REEP1: variants seen among roughly 807,000 people sequenced by gnomAD.
REEP1 encodes receptor expression-enhancing protein 1.
Under a neutral mutation model 40.3 loss-of-function variants are expected in REEP1, and 22 were observed. The observed-to-expected ratio is 0.55, with a 90% CI of 0.39 to 0.78. The LOEUF is 0.78. Among genes scored for constraint, REEP1 ranks in the 30% least tolerant of loss-of-function variants. The pLI is 0.00. For synonymous variants in REEP1, 116 were observed against 139.2 expected, an observed-to-expected ratio of 0.83 and a Z score of 1.17; for missense variants, 280 against 361.1, an observed-to-expected ratio of 0.78 and a Z score of 1.82.
intron 5 of REEP1, among the ~76,000 whole-genome samples, chr2:86,237,338 T>A (rs1189908440): frequency 6.6e-6 from 1 of 152,142 alleles, no homozygotes; most frequent in Non-Finnish European, 1.5e-5. Flanking sequence ...CAGCTCGACA[T>A]CACCCAACAC....
At chr2:86,331,040 A>ACCAGAACCAAGATTCTCTTGTGC (rs1381885525) in intron 1 of REEP1, among the ~76,000 whole-genome samples, 2 of 152,194 alleles carry the variant, frequency 1.3e-5, no homozygotes, top group Non-Finnish European at 2.9e-5. Context: ...GGCCCGAGCA[A>ACCAGAACCAAGATTCTCTTGTGC]CCAGAACCAA....
intron 5 of REEP1, chr2:86,239,969 C>G (rs57667809): frequency 6.6e-6 from 1 of 152,466 alleles, no homozygotes; most frequent in Non-Finnish European, 1.5e-5. Context: ...GGCCTGGCCT[C>G]GCTGCCCAAC....
At chr2:86,247,451 C>T (rs567045144) in intron 5 of REEP1, among the ~76,000 whole-genome samples, 3 of 152,226 alleles carry the variant, frequency 2.0e-5, no homozygotes, top group African/African-American at 7.2e-5. Context: ...ATAATCCCAG[C>T]TACTTGGAAT....
At chr2:86,239,266 A>C (rs1057167495) in intron 5 of REEP1, among the ~76,000 whole-genome samples, 1 of 150,234 alleles carries the variant, frequency 6.7e-6, no homozygotes, top group East Asian at 2.0e-4. Context: ...CAATAACAGC[A>C]ACACAGAACT....
chr2:86,270,898 T>G (rs1574062868), intron 2 of REEP1, among the ~76,000 whole-genome samples: 1 of 149,894 alleles, frequency 6.7e-6, no homozygotes, highest in South Asian at 2.1e-4. Context: ...AGTTCTAAAA[T>G]TTGATTAAAA....
upstream of REEP1, chr2:86,337,976 G>T: frequency 6.7e-7 from 1 of 1,490,102 alleles, no homozygotes; most frequent in Non-Finnish European, 9.1e-7. This position sits in a 1 kb window ranked among gnomAD's most constrained non-coding sequence, Gnocchi z 5.8. Context: ...TAGGTGGGAT[G>T]CTGTCATCCC....
chr2:86,308,318 C>T (rs1679600763), intron 1 of REEP1, among the ~76,000 whole-genome samples: 1 of 152,168 alleles, frequency 6.6e-6, no homozygotes, highest in African/African-American at 2.4e-5. Flanking sequence ...TGACAGAACA[C>T]AGACCATGTT....
chr2:86,311,994 C>T (rs767423125), intron 1 of REEP1, among the ~76,000 whole-genome samples: 2 of 152,076 alleles, frequency 1.3e-5, no homozygotes, highest in African/African-American at 2.4e-5. Flanking sequence ...CAAGTCCTGC[C>T]GATTGTTCCC....
chr2:86,328,540 G>A (rs6728519), intron 1 of REEP1, among the ~76,000 whole-genome samples: 22,130 of 152,192 alleles, frequency 0.15, 3,640 homozygotes, highest in African/African-American at 0.41. Flanking sequence ...TTAGCTGGGC[G>A]TGGTGGCGGG....
In REEP1 at chr2:86,227,373, C is replaced by T. The variant is rs1398545710; in HGVS notation, c.621G>A (p.Arg207=). Residue 207 remains arginine (R), a synonymous_variant, in exon 7 of 9, where the codon AGG becomes AGA. Transcript: ENST00000538924. The part of the protein sequence containing the change: ...SSVCTCCSTC[R]TWKVVEGDVN... ...TGGCTGCTTACTCACCTTTCCAGGT[C>T]CTGCAGGTGGAGCAGCAGGTACACA... 8.1e-7 allele frequency: 1 copy of T among 1,232,172 alleles called. No individual in the cohort carries two copies. The highest frequency in any genetic ancestry group is 1.6e-5 in the African/African-American group (1 of 64,402). 76.3% of individuals were successfully genotyped at this position (1,232,172 alleles called of 1,614,324 possible).
chr2:86,300,287 C>T lies in REEP1; in HGVS notation c.33-18045G>A, dbSNP rs375759786. Among the ~76,000 whole-genome samples, 131 of 152,230 alleles carry T rather than the reference C, an allele frequency of 8.6e-4. 1 individual carries two copies. The South Asian group carries it at 0.027, about 31-fold the overall frequency. ...TCTATTTCCCATCGACAGGTCCTGC[C>T]CTCCTTCCTCTGCGCTGAGAACTGT... On this transcript the variant is annotated intron_variant, in intron 1 of 8. Transcript: ENST00000538924.
At chr2:86,264,886 C>T (rs7583788) in intron 2 of REEP1, among the ~76,000 whole-genome samples, 2 of 152,144 alleles carry the variant, frequency 1.3e-5, no homozygotes, top group Middle Eastern at 3.2e-3. Context: ...CAAGTCAGTG[C>T]GGCTGAGGAC....
chr2:86,264,254 A>T (rs780868546), intron 2 of REEP1, among the ~76,000 whole-genome samples: 14 of 152,166 alleles, frequency 9.2e-5, no homozygotes, highest in Non-Finnish European at 1.3e-4. Flanking sequence ...CAACTGACTC[A>T]GGCTGAAGGT....
intron 3 of REEP1, among the ~76,000 whole-genome samples, chr2:86,256,256 G>A (rs1003297174): frequency 1.3e-5 from 2 of 151,252 alleles, no homozygotes; most frequent in Admixed American, 6.6e-5. Context: ...GCTGAGGCAG[G>A]AGAATTGCTC....
chr2:86,227,079 C>T (rs1674748200), intron 7 of REEP1, among the ~76,000 whole-genome samples: 1 of 152,202 alleles, frequency 6.6e-6, no homozygotes, highest in South Asian at 2.1e-4. Context: ...AAAGTGGACC[C>T]TCCAGTTTCG....
chr2:86,220,245 AGGCCCCTC>A (rs1456475288), intron 7 of REEP1, 124 bp from the exon 8 acceptor site: 6 of 577,476 alleles, frequency 1.0e-5, no homozygotes, highest in Non-Finnish European at 1.5e-5. Flanking sequence ...AGGACAGCTG[AGGCCCCTC>A]GGTCTGAGGA....
At chr2:86,268,095 G>C (rs1349316157) in intron 2 of REEP1, among the ~76,000 whole-genome samples, 1 of 152,004 alleles carries the variant, frequency 6.6e-6, no homozygotes, top group African/African-American at 2.4e-5. Flanking sequence ...TCAGAAAAAG[G>C]GCAAAGTTAT....
intron 5 of REEP1, among the ~76,000 whole-genome samples, chr2:86,234,138 A>G (rs1675168352): frequency 6.6e-6 from 1 of 152,072 alleles, no homozygotes; most frequent in African/African-American, 2.4e-5. Context: ...GAAGTGAAAA[A>G]TCCAGATAGG....
At chr2:86,252,712 A>G (rs1303846259) in intron 4 of REEP1, among the ~76,000 whole-genome samples, 1 of 152,172 alleles carries the variant, frequency 6.6e-6, no homozygotes, top group African/African-American at 2.4e-5. Context: ...ATCAAATATC[A>G]CCCCATTTGT....
Sources: allele counts gnomAD v4.1 joint callset (sites outside exome capture counted in the v4.1 genomes callset), GRCh38; gene constraint gnomAD v4.1.1; non-coding constraint Gnocchi (gnomAD v3.1); transcripts MANE v1.5; gene names NCBI Gene and HGNC (gene_info 2026-07-23, HGNC 2026-07-21).